Variants in USP34 observed in about 807,000 individuals in gnomAD.
USP34 encodes the protein ubiquitin carboxyl-terminal hydrolase 34.
Under a neutral mutation model 460.3 loss-of-function variants are expected in USP34, and 70 were observed. That is an observed-to-expected ratio of 0.15 (90% confidence interval 0.13 to 0.19). USP34 has a LOEUF of 0.19. Ranked by LOEUF, USP34 falls within the 10% of genes least tolerant of loss-of-function variation. The probability of loss-of-function intolerance (pLI) is 1.00; values close to 1 mark genes in which losing one functional copy is unlikely to be tolerated. For synonymous variants in USP34, 1,647 were observed against 1,405.3 expected (o/e 1.17, Z -3.85); for missense variants, 3,985 against 4,236.2 (o/e 0.94, Z 1.65).
At chr2:61,321,694 T>A (rs970266022) in intron 21 of USP34, among the ~76,000 whole-genome samples, 1 of 152,208 alleles carries the variant, frequency 6.6e-6, no homozygotes, top group Non-Finnish European at 1.5e-5. Flanking sequence ...ATAACCCATA[T>A]GTAAATCACC....
intron 16 of USP34, 45 bp downstream of exon 16, chr2:61,343,770 C>T (rs1691677019): frequency 2.6e-6 from 4 of 1,561,624 alleles, no homozygotes; most frequent in African/African-American, 1.4e-5. Flanking sequence ...TAAATTATTC[C>T]TGTTGTGAAG....
In USP34 at chr2:61,241,833, C is replaced by T; in HGVS notation, c.6628-14G>A. On this transcript the variant is annotated splice_polypyrimidine_tract_variant and intron_variant, in intron 51 of 79. Coordinates refer to ENST00000398571, the MANE Select transcript of USP34 (RefSeq NM_014709.4). ...ATAGGTCTTGGTCTGTTTAAAAATA[C>T]AAAAGTTTTACTTCTTTGAAAAAAT... 2.1e-6 allele frequency: 3 copies of T among 1,459,840 alleles called. No individual in the cohort carries two copies. The highest frequency in any genetic ancestry group is 1.8e-6 in the Non-Finnish European group (2 of 1,084,660). 90.4% of individuals were successfully genotyped at this position (1,459,840 alleles called of 1,614,324 possible).
intron 1 of USP34, among the ~76,000 whole-genome samples, chr2:61,436,032 A>AT (rs1376243773): frequency 2.6e-5 from 4 of 152,072 alleles, no homozygotes; most frequent in Admixed American, 6.6e-5. Context: ...CATCTCAAAA[A>AT]ATATATATAA....
chr2:61,468,328 C>T (rs1465468532), intron 1 of USP34, among the ~76,000 whole-genome samples: 1 of 152,202 alleles, frequency 6.6e-6, no homozygotes, highest in Non-Finnish European at 1.5e-5. Context: ...GGATTACAAG[C>T]ATGTGCCACC....
At chr2:61,280,185 C>G (rs1689492614) in intron 39 of USP34, 59 bp downstream of exon 39, 3 of 1,009,860 alleles carry the variant, frequency 3.0e-6, no homozygotes, top group Middle Eastern at 2.2e-4. Flanking sequence ...GAACATATGT[C>G]ATAATTCATA....
At chr2:61,390,447 G>A (rs953267157) in intron 5 of USP34, among the ~76,000 whole-genome samples, 1 of 152,148 alleles carries the variant, frequency 6.6e-6, no homozygotes, top group African/African-American at 2.4e-5. Flanking sequence ...CGCAAAGTAA[G>A]AAAACTACAT....
At chr2:61,293,931 C>G (rs1388103452) in intron 32 of USP34, among the ~76,000 whole-genome samples, 1 of 152,116 alleles carries the variant, frequency 6.6e-6, no homozygotes, top group Non-Finnish European at 1.5e-5. Context: ...AGGAGGATCA[C>G]TCGAACCCAG....
Position 61,370,324 on chromosome 2 carries a change from T to C in USP34, c.1248A>G (p.Ala416=). The C allele has an allele frequency of 6.2e-7, 1 of 1,613,854 alleles. No homozygotes were observed. Among genetic ancestry groups the C allele is most frequent in the Non-Finnish European group, 8.5e-7 (1 of 1,179,874 alleles). Residue 416 remains alanine (A), a synonymous_variant, in exon 10 of 80, where the codon GCA becomes GCG. Coordinates refer to ENST00000398571, the MANE Select transcript of USP34 (RefSeq NM_014709.4). ...TQHIDCIWAA[A]QLKHCSRYIH... is the part of the protein sequence containing the mutation. ...AAATGTGAGCTGTTAATATTACCTG[T>C]GCTGCAGCCCAAATACAGTCAATAT...
rs1252656095 is a variant in USP34 at position 61,217,172 on chromosome 2, T to C, written c.8048-2478A>G. Reference sequence around the variant, plus strand: ...AGAAAAAAACACGACTTTTAAATTATGTTTTTCTTTAAGAACAGACAGGAA... The same window carrying C: ...AGAAAAAAACACGACTTTTAAATTACGTTTTTCTTTAAGAACAGACAGGAA... On this transcript the variant is annotated intron_variant, in intron 67 of 79. Transcript: ENST00000398571. 3.3e-5 allele frequency among the ~76,000 whole-genome samples: 5 copies of C among 152,210 alleles called. No individual in the cohort carries two copies. In the South Asian group the frequency reaches 8.3e-4, roughly 25 times the overall value.
rs573083994 is a variant in USP34, at chr2:61,343,824, G to C, written c.2491C>G (p.Leu831Val). Residue 831 changes from leucine (L) to valine (V), a missense_variant, in exon 16 of 80, where the codon CTT (leucine) becomes GTT (valine). By Grantham distance (32) the Leu-to-Val change is conservative. This residue lies in a region of USP34 where 716 missense variants were observed against 626.2 expected (regional missense o/e 1.14). Transcript: ENST00000398571. ...TACTGTAGAGTCTTACCTTGACTAAGATGTTCATGGTAAATGGAAGCTAAA... is the reference window on the plus strand; with the variant it reads ...TACTGTAGAGTCTTACCTTGACTAACATGTTCATGGTAAATGGAAGCTAAA... ...PNLASIYHEH[L>V]SQGPVVHKHQ... 1.9e-6 allele frequency: 3 copies of C among 1,613,650 alleles called. No homozygotes were observed. The highest frequency in any genetic ancestry group is 1.3e-5 in the African/African-American group (1 of 75,044).
In USP34 at chr2:61,314,752, C is replaced by A. The variant is rs777198420; in HGVS notation, c.3383-8G>T. ...TCTCCAAACCTGTTTTACCTGAAAG[C>A]CAAATGTTTAGACACATATATTAGC... On this transcript the variant is annotated splice_region_variant and splice_polypyrimidine_tract_variant and intron_variant, in intron 24 of 79. Coordinates refer to ENST00000398571, the MANE Select transcript of USP34 (RefSeq NM_014709.4). 6.4e-7 allele frequency: 1 copy of A among 1,574,260 alleles called. No homozygotes were observed. Among genetic ancestry groups the A allele is most frequent in the Non-Finnish European group, 8.6e-7 (1 of 1,165,272 alleles).
chr2:61,285,430 T>C (rs1464371474), intron 34 of USP34, among the ~76,000 whole-genome samples: 1 of 144,030 alleles, frequency 6.9e-6, no homozygotes, highest in Non-Finnish European at 1.5e-5. Context: ...GTGGCTGCAG[T>C]GAGCTGAGAT....
chr2:61,410,820 C>T (rs1048499761), intron 2 of USP34, among the ~76,000 whole-genome samples: 1 of 152,000 alleles, frequency 6.6e-6, no homozygotes, highest in Non-Finnish European at 1.5e-5. Flanking sequence ...AAATAAACTT[C>T]CAACTAGCTA....
intron 1 of USP34, among the ~76,000 whole-genome samples, chr2:61,434,745 A>G (rs1006475056): frequency 6.6e-6 from 1 of 150,480 alleles, no homozygotes; most frequent in Non-Finnish European, 1.5e-5. Context: ...CTTTCCCTAT[A>G]AAATTTACTC....
chr2:61,339,144 G>A (rs1335231695), intron 18 of USP34, among the ~76,000 whole-genome samples: 1 of 152,104 alleles, frequency 6.6e-6, no homozygotes, highest in Non-Finnish European at 1.5e-5. Context: ...ATGGTGAAAG[G>A]TGCTGAAAAG....
intron 41 of USP34, among the ~76,000 whole-genome samples, chr2:61,277,295 G>A (rs1689400174): frequency 6.7e-6 from 1 of 150,054 alleles, no homozygotes; most frequent in African/African-American, 2.5e-5. Context: ...ACAGTGCAGT[G>A]GTGTGATCAT....
intron 61 of USP34, among the ~76,000 whole-genome samples, chr2:61,227,900 TAAG>T (rs140069857): frequency 0.33 from 50,529 of 151,876 alleles, 8,444 homozygotes; most frequent in Non-Finnish European, 0.37. Context: ...TTATACAAAA[TAAG>T]AAATTCTTAT....
chr2:61,414,811 C>T (rs1008513471), intron 2 of USP34, among the ~76,000 whole-genome samples: 2 of 152,146 alleles, frequency 1.3e-5, no homozygotes, highest in African/African-American at 4.8e-5. Context: ...GGTATACACC[C>T]TACCTAAATG....
chr2:61,276,200 C>T (rs1178342850), intron 41 of USP34, among the ~76,000 whole-genome samples: 2 of 152,132 alleles, frequency 1.3e-5, no homozygotes, highest in Non-Finnish European at 2.9e-5. Flanking sequence ...TACAGTGTGG[C>T]TACAAGTGTA....
Sources: allele counts gnomAD v4.1 joint callset (sites outside exome capture counted in the v4.1 genomes callset), GRCh38; gene constraint gnomAD v4.1.1; regional missense constraint gnomAD v4.1.1; transcripts MANE v1.5; gene names NCBI Gene and HGNC (gene_info 2026-07-23, HGNC 2026-07-21).